SCGB2A1: variants seen among roughly 807,000 people sequenced by gnomAD.
The protein encoded by SCGB2A1 is mammaglobin-B.
Under a neutral mutation model 9.2 loss-of-function variants are expected in SCGB2A1, and 6 were observed. The observed-to-expected ratio is 0.66, with a 90% CI of 0.36 to 1.29. The LOEUF (loss-of-function observed/expected upper bound fraction) is 1.29. Among genes scored for constraint, SCGB2A1 ranks in the 50% most tolerant of loss-of-function variants. The probability of loss-of-function intolerance (pLI) is 0.03; values close to 1 mark genes in which losing one functional copy is unlikely to be tolerated. For missense variants in SCGB2A1, 138 were observed against 116.9 expected (o/e 1.18, Z -0.83); for synonymous variants, 37 against 41.0 (o/e 0.90, Z 0.37).
intron 2 of SCGB2A1, among the ~76,000 whole-genome samples, chr11:62,213,110 T>C (rs961653333): frequency 1.0e-5 from 1 of 97,582 alleles, no homozygotes; most frequent in African/African-American, 3.4e-5. Flanking sequence ...ATATATATTT[T>C]TTTTTTTGTA....
In SCGB2A1 at chr11:62,213,100, A is replaced by T. The variant is rs1565121581; in HGVS notation, c.244-626A>T. On this transcript the variant is annotated intron_variant, in intron 2 of 2. Transcript: ENST00000244930. ...TATACACATATATACACATATATAT[A>T]TATATATTTTTTTTTTTGTAGAGAT... is the stretch of plus-strand genomic sequence containing the variant. 7.3e-4 allele frequency among the ~76,000 whole-genome samples: 30 copies of T among 41,334 alleles called. 1 individual carries two copies. The highest frequency in any genetic ancestry group is 1.5e-3 in the African/African-American group (29 of 18,770). 27.1% of individuals were successfully genotyped at this position (41,334 alleles called of 152,430 possible).
rs915233501 is a variant in SCGB2A1 at position 62,210,530 on chromosome 11, C to G, written c.173C>G (p.Ala58Gly). 1.3e-6 allele frequency: 2 copies of G among 1,590,918 alleles called. No individual in the cohort carries two copies. The highest frequency in any genetic ancestry group is 1.7e-6 in the Non-Finnish European group (2 of 1,172,392). The change falls in exon 2 of 3, where the codon GCT (alanine) becomes GGT (glycine). Residue 58 changes from alanine to glycine, a missense_variant. Ala to Gly is a moderately conservative substitution (Grantham distance 60). Coordinates refer to ENST00000244930, the MANE Select transcript of SCGB2A1 (RefSeq NM_002407.3). ...EFIDSDAAAEAMGKFKQCFLN... is the reference protein window; with the variant it reads ...EFIDSDAAAEGMGKFKQCFLN... ...ATAGACAGTGATGCCGCTGCAGAGG[C>G]TATGGGGAAATTCAAGCAGTGTTTC... is the stretch of plus-strand genomic sequence containing the variant.
rs575553784 is a variant in SCGB2A1, at chr11:62,212,503, C to T, written c.244-1223C>T. Among the ~76,000 whole-genome samples, 8 of 151,674 alleles carry T rather than the reference C, an allele frequency of 5.3e-5. No homozygotes were observed. The South Asian group carries it at 6.3e-4, about 12-fold the overall frequency. ...TACAAAAATTAGCTAGGCGTGGTGG[C>T]GCACACCTGTAATTCCAGCTGCTTG... On this transcript the variant is annotated intron_variant, in intron 2 of 2. Transcript: ENST00000244930.
At chr11:62,212,068 A>G (rs898476030) in intron 2 of SCGB2A1, among the ~76,000 whole-genome samples, 8 of 151,544 alleles carry the variant, frequency 5.3e-5, no homozygotes, top group Admixed American at 5.3e-4. Flanking sequence ...AATTACTGGC[A>G]CACAACACCA....
intron 2 of SCGB2A1, among the ~76,000 whole-genome samples, chr11:62,213,026 A>ATATACATG: frequency 3.6e-5 from 2 of 55,856 alleles, no homozygotes; most frequent in African/African-American, 1.2e-4. Context: ...ATATATACAT[A>ATATACATG]TATACACACA....
rs1183087434 is a variant in SCGB2A1, at chr11:62,210,592, C to A, written c.235C>A (p.Leu79Met). The change falls in exon 2 of 3, where the codon CTG (leucine) becomes ATG (methionine). Residue 79 changes from leucine to methionine, a missense_variant. Leu to Met is a conservative substitution (Grantham distance 15). Transcript: ENST00000244930. ...QSHRTLKNFG[L>M]MMHTVYDSIW... The stretch of plus-strand genomic sequence containing the variant: ...ACATAGAACTCTGAAAAACTTTGGA[C>A]TGATGATGGTAATTTGGGTTTCTTC... 2 of 1,543,410 alleles carry A rather than the reference C, an allele frequency of 1.3e-6. No homozygotes were observed. Among genetic ancestry groups the A allele is most frequent in the Non-Finnish European group, 8.7e-7 (1 of 1,154,418 alleles).
rs1437486722 is a variant in SCGB2A1 at position 62,210,558 on chromosome 11, C to A, written c.201C>A (p.Leu67=). Residue 67 remains leucine (L), a synonymous_variant, in exon 2 of 3, where the codon CTC becomes CTA. Coordinates refer to ENST00000244930, the MANE Select transcript of SCGB2A1 (RefSeq NM_002407.3). ...EAMGKFKQCF[L]NQSHRTLKNF... ...TGGGGAAATTCAAGCAGTGTTTCCT[C>A]AACCAGTCACATAGAACTCTGAAAA... 6.3e-7 allele frequency: 1 copy of A among 1,575,866 alleles called. No individual in the cohort carries two copies. Among genetic ancestry groups the A allele is most frequent in the Admixed American group, 2.0e-5 (1 of 50,498 alleles).
chr11:62,208,875 C>A, intron 1 of SCGB2A1, 89 bp downstream of exon 1: 3 of 1,338,604 alleles, frequency 2.2e-6, no homozygotes, highest in Non-Finnish European at 3.2e-6. Context: ...ATCCCCAGCA[C>A]AGACGAGCCC....
chr11:62,211,083 C>T (rs3862393), intron 2 of SCGB2A1, among the ~76,000 whole-genome samples: 2 of 151,654 alleles, frequency 1.3e-5, no homozygotes, highest in African/African-American at 4.9e-5. Context: ...GCCACCACGC[C>T]GGGCTAATTT....
At chr11:62,209,841 A>C (rs1944814474) in intron 1 of SCGB2A1, among the ~76,000 whole-genome samples, 1 of 151,978 alleles carries the variant, frequency 6.6e-6, no homozygotes, top group African/African-American at 2.4e-5. Context: ...TGCCTGGCTA[A>C]TTTTTAAATT....
chr11:62,213,528 C>A, intron 2 of SCGB2A1, 198 bp from the exon 3 acceptor site: 1 of 546,268 alleles, frequency 1.8e-6, no homozygotes, highest in Non-Finnish European at 3.2e-6. Context: ...TCCTACAACC[C>A]TGGCCCCTGT....
chr11:62,208,913 C>A, intron 1 of SCGB2A1, 127 bp downstream of exon 1: 1 of 816,054 alleles, frequency 1.2e-6, no homozygotes. Context: ...GTGCGATAGG[C>A]CTTAGGATCC....
In SCGB2A1 at chr11:62,212,917, TAC is replaced by T. The variant is rs545821627; in HGVS notation, c.244-799_244-798del. Among the ~76,000 whole-genome samples the T allele has an allele frequency of 5.8e-4, 84 of 143,710 alleles. 1 individual carries two copies. The highest frequency in any genetic ancestry group is 2.1e-3 in the African/African-American group (74 of 35,408). 94.3% of individuals were successfully genotyped at this position (143,710 alleles called of 152,430 possible). On this transcript the variant is annotated intron_variant, in intron 2 of 2. Transcript: ENST00000244930. ...CACCTGGCATATATATACATATATA[TAC>T]ACACACACATATATACACACATATG...
intron 2 of SCGB2A1, among the ~76,000 whole-genome samples, chr11:62,211,566 AT>A (rs545473816): frequency 1.3e-3 from 202 of 151,918 alleles, no homozygotes; most frequent in African/African-American, 3.9e-3. Flanking sequence ...TGCCCAGCTA[AT>A]TTTTGTATTT....
At chr11:62,212,937 C>T (rs1417074791) in intron 2 of SCGB2A1, among the ~76,000 whole-genome samples, 10 of 135,644 alleles carry the variant, frequency 7.4e-5, no homozygotes, top group Admixed American at 5.8e-4. Flanking sequence ...CATATATACA[C>T]ACATATGTAC....
intron 1 of SCGB2A1, among the ~76,000 whole-genome samples, chr11:62,210,031 C>A (rs1212344938): frequency 1.3e-5 from 2 of 152,108 alleles, no homozygotes; most frequent in African/African-American, 4.8e-5. Flanking sequence ...TGTCCTAGAC[C>A]CATTCATCTG....
rs1565120094 is a variant in SCGB2A1 at position 62,208,714 on chromosome 11, G to A, written c.-18G>A. The A allele has an allele frequency of 6.2e-7, 1 of 1,613,458 alleles. No individual in the cohort carries two copies. Among genetic ancestry groups the A allele is most frequent in the East Asian group, 2.2e-5 (1 of 44,886 alleles). ...TCCCTGCCACGCACGACTGAACACA[G>A]ACAGCAGCCGCCTCGCCATGAAGCT... On this transcript the variant is annotated 5_prime_UTR_variant, in exon 1 of 3. Coordinates refer to ENST00000244930, the MANE Select transcript of SCGB2A1 (RefSeq NM_002407.3).
intron 2 of SCGB2A1, among the ~76,000 whole-genome samples, chr11:62,213,021 T>TGTACACACACATGTACAC (rs1565121424): frequency 1.5e-5 from 1 of 67,256 alleles, no homozygotes; most frequent in African/African-American, 4.2e-5. Flanking sequence ...TGCACATATA[T>TGTACACACACATGTACAC]ACATATATAC....
chr11:62,213,753 A>T lies in SCGB2A1; in HGVS notation c.271A>T (p.Asn91Tyr). 6.2e-7 allele frequency: 1 copy of T among 1,614,024 alleles called. No individual in the cohort carries two copies. Among genetic ancestry groups the T allele is most frequent in the South Asian group, 1.1e-5 (1 of 91,040 alleles). The change falls in exon 3 of 3, where the codon AAT becomes TAT. Residue 91 changes from asparagine (N) to tyrosine (Y), a missense_variant. Physicochemically the swap from Asn to Tyr is moderately radical, Grantham distance 143. Transcript: ENST00000244930. The part of the protein sequence containing the change: ...MHTVYDSIWC[N>Y]MKSN ...TACAGTGTACGACAGCATTTGGTGT[A>T]ATATGAAGAGTAATTAACTTTACCC...
Sources: gnomAD v4.1 joint callset for allele counts (sites outside exome capture counted in the v4.1 genomes callset) on GRCh38, gnomAD v4.1.1 for gene constraint, MANE v1.5 for transcripts, NCBI Gene and HGNC (gene_info 2026-07-23, HGNC 2026-07-21) for gene names.